Variants in UNC13C observed in about 807,000 individuals in gnomAD.
The protein encoded by UNC13C is unc-13 homolog C, also known as protein unc-13 homolog C.
In UNC13C, 174 loss-of-function variants were observed where a neutral mutation model predicts 245.4. That is an observed-to-expected ratio of 0.71 (90% CI 0.63 to 0.80). The LOEUF is 0.80. Ranked by LOEUF, UNC13C falls within the 30% of genes least tolerant of loss-of-function variation. The pLI is 0.00. For synonymous variants in UNC13C, 992 were observed against 895.1 expected (o/e 1.11, Z -1.93); for missense variants, 2,829 against 2,602.9 (o/e 1.09, Z -1.89).
intron 10 of UNC13C, among the ~76,000 whole-genome samples, chr15:54,290,739 CT>C (rs2037274982): frequency 6.6e-6 from 1 of 151,978 alleles, no homozygotes; most frequent in South Asian, 2.1e-4. Flanking sequence ...AAACTAGAAG[CT>C]CAAAAAAATT....
chr15:54,074,609 T>G (rs1266200168), intron 2 of UNC13C, among the ~76,000 whole-genome samples: 1 of 152,208 alleles, frequency 6.6e-6, no homozygotes, highest in Non-Finnish European at 1.5e-5. Flanking sequence ...CCTTGTAAGT[T>G]GTATTCCTAG....
At chr15:54,348,003 T>C (rs189288940) in intron 17 of UNC13C, among the ~76,000 whole-genome samples, 2 of 152,296 alleles carry the variant, frequency 1.3e-5, no homozygotes, top group Admixed American at 1.3e-4. Context: ...ATTATTGTTG[T>C]ATATACTAAT....
At chr15:54,605,375 T>C (rs139279122) in intron 30 of UNC13C, among the ~76,000 whole-genome samples, 3 of 152,244 alleles carry the variant, frequency 2.0e-5, no homozygotes, top group African/African-American at 7.2e-5. Flanking sequence ...CCCTTATATT[T>C]CCTATCATAG....
chr15:54,561,929 C>A (rs1380157589), intron 29 of UNC13C, among the ~76,000 whole-genome samples: 1 of 151,694 alleles, frequency 6.6e-6, no homozygotes, highest in East Asian at 1.9e-4. Flanking sequence ...TGGAACTTGG[C>A]AACTGAATAT....
chr15:54,622,160 T>G (rs949269298), intron 30 of UNC13C, among the ~76,000 whole-genome samples, 167 bp from the exon 31 acceptor site: 1 of 152,198 alleles, frequency 6.6e-6, no homozygotes, highest in African/African-American at 2.4e-5. Context: ...AGCTTCAAAC[T>G]TGCATTTCAT....
At chr15:53,952,362 G>A in the UNC13C span, among the ~76,000 whole-genome samples, 2 of 152,084 alleles carry the variant, frequency 1.3e-5, no homozygotes, top group Admixed American at 6.6e-5. Context: ...CTTGCTCAAG[G>A]TTACACACAA....
intron 26 of UNC13C, among the ~76,000 whole-genome samples, chr15:54,535,269 C>A (rs1354317851): frequency 6.6e-6 from 1 of 152,022 alleles, no homozygotes; most frequent in Non-Finnish European, 1.5e-5. Context: ...TCCAAAAAAA[C>A]CCAATATCAT....
intron 19 of UNC13C, among the ~76,000 whole-genome samples, chr15:54,448,631 A>T (rs1408913841): frequency 6.6e-6 from 1 of 152,060 alleles, no homozygotes; most frequent in Non-Finnish European, 1.5e-5. Flanking sequence ...TGCTTGGTAG[A>T]TCTTCCTCCA....
intron 19 of UNC13C, among the ~76,000 whole-genome samples, chr15:54,455,500 C>T (rs1391957208): frequency 6.8e-6 from 1 of 147,838 alleles, no homozygotes; most frequent in Non-Finnish European, 1.5e-5. Context: ...TGTTCCTTTT[C>T]AGCACATCCA....
At chr15:54,170,638 A>T (rs920082597) in intron 4 of UNC13C, among the ~76,000 whole-genome samples, 8 of 152,046 alleles carry the variant, frequency 5.3e-5, no homozygotes, top group African/African-American at 1.9e-4. Context: ...AAAGGATTTT[A>T]TCTGTTATAC....
Position 54,615,409 on chromosome 15 carries a change from C to T in UNC13C, c.6107-6918C>T, listed in dbSNP as rs184302742. Among the ~76,000 whole-genome samples the T allele has an allele frequency of 2.9e-3, 447 of 151,942 alleles. 2 individuals carry two copies. Among genetic ancestry groups the T allele is most frequent in the Non-Finnish European group, 4.7e-3 (316 of 67,886 alleles). On this transcript the variant is annotated intron_variant, in intron 30 of 32. Coordinates refer to ENST00000260323, the MANE Select transcript of UNC13C (RefSeq NM_001080534.3). ...GACTTCATCTGAACTAACTTGGCTC[C>T]CATTACTATATTTATTTACCTCAGT...
intron 30 of UNC13C, among the ~76,000 whole-genome samples, chr15:54,601,382 A>C (rs139129784): frequency 1.5e-4 from 23 of 152,302 alleles, no homozygotes; most frequent in African/African-American, 5.3e-4. Context: ...TATTACAGGA[A>C]AGTGCTGTGG....
At chr15:54,069,651 G>A (rs988961816) in intron 2 of UNC13C, among the ~76,000 whole-genome samples, 1 of 152,274 alleles carries the variant, frequency 6.6e-6, no homozygotes, top group African/African-American at 2.4e-5. Context: ...GAGGTACTTC[G>A]ATTGCTTAAA....
At position 54,567,720 on chromosome 15, in the gene UNC13C, G is replaced by A. The variant is rs79775066; in HGVS notation, c.5959-80G>A. The A allele has an allele frequency of 7.0e-6, 9 of 1,277,944 alleles. No homozygotes were observed. In the East Asian group the frequency reaches 2.0e-4, roughly 29 times the overall value. The allele number at this position is 1,277,944 out of a possible 1,614,324, so 79.2% of individuals were successfully genotyped here. ...TTGATCAAATTGTATTATTCCATTT[G>A]AGCTTCTCTATTAGAGTAATAAATT... On this transcript the variant is annotated intron_variant, in intron 29 of 32. Transcript: ENST00000260323.
intron 4 of UNC13C, among the ~76,000 whole-genome samples, chr15:54,169,743 C>A (rs1567064493): frequency 6.6e-6 from 1 of 152,142 alleles, no homozygotes; most frequent in Non-Finnish European, 1.5e-5. Flanking sequence ...CATCACCTCT[C>A]CTCAACAACT....
At chr15:54,027,194 A>AC in intron 2 of UNC13C, among the ~76,000 whole-genome samples, 1 of 151,674 alleles carries the variant, frequency 6.6e-6, no homozygotes, top group East Asian at 1.9e-4. Flanking sequence ...AAAAAAAAAA[A>AC]CAGGAAAAGC....
intron 4 of UNC13C, among the ~76,000 whole-genome samples, chr15:54,160,006 A>G (rs767666826): frequency 3.9e-5 from 6 of 152,174 alleles, no homozygotes; most frequent in Non-Finnish European, 5.9e-5. Flanking sequence ...AAGGCATTCA[A>G]GCCATGAGTT....
chr15:54,435,184 G>T (rs942079019), intron 19 of UNC13C, among the ~76,000 whole-genome samples: 1 of 152,010 alleles, frequency 6.6e-6, no homozygotes, highest in African/African-American at 2.4e-5. Flanking sequence ...ATTCCTCAAA[G>T]ATCTAGAACC....
At chr15:54,179,479 A>G (rs538414968) in intron 4 of UNC13C, among the ~76,000 whole-genome samples, 2 of 152,212 alleles carry the variant, frequency 1.3e-5, no homozygotes, top group South Asian at 2.1e-4. Context: ...TGCAAAATAC[A>G]ATATATACTA....
Sources: gnomAD v4.1 joint callset for allele counts (sites outside exome capture counted in the v4.1 genomes callset) on GRCh38, gnomAD v4.1.1 for gene constraint, MANE v1.5 for transcripts, NCBI Gene and HGNC (gene_info 2026-07-23, HGNC 2026-07-21) for gene names.